The following PCOLCE2 variants were observed in gnomAD, a reference collection of about 807,000 sequenced individuals.
PCOLCE2 encodes the protein procollagen C-endopeptidase enhancer 2, also known as procollagen C-proteinase enhancer 2.
In PCOLCE2, 42 loss-of-function variants were observed where a neutral mutation model predicts 47.0. That is an observed-to-expected ratio of 0.89 (90% CI 0.70 to 1.16). PCOLCE2 has a LOEUF of 1.16. PCOLCE2 is among the 50% of genes most tolerant of loss of function. The probability of loss-of-function intolerance (pLI) is 0.00; values close to 1 mark genes in which losing one functional copy is unlikely to be tolerated. For missense variants in PCOLCE2, 500 were observed against 526.1 expected (o/e 0.95, Z 0.49); for synonymous variants, 169 against 191.7 (o/e 0.88, Z 0.98).
chr3:142,848,549 G>A (rs186046028), intron 2 of PCOLCE2, 77 bp from the exon 3 acceptor site: 1 of 1,245,664 alleles, frequency 8.0e-7, no homozygotes, highest in East Asian at 2.3e-5. Context: ...ACTTACTTAA[G>A]TGTGTAAAGT....
intron 4 of PCOLCE2, among the ~76,000 whole-genome samples, chr3:142,841,888 T>C (rs995894164): frequency 2.0e-5 from 3 of 152,202 alleles, no homozygotes; most frequent in Non-Finnish European, 4.4e-5. Context: ...TATAAAGTTA[T>C]CTTTAAAGGT....
chr3:142,846,300 C>T (rs995466327), intron 3 of PCOLCE2, among the ~76,000 whole-genome samples: 5 of 152,154 alleles, frequency 3.3e-5, no homozygotes, highest in Admixed American at 1.3e-4. Context: ...CAGGTTCAAG[C>T]GATTCTCCTG....
rs200880082 is a variant in PCOLCE2 at position 142,818,438 on chromosome 3, A to G, written c.1145T>C (p.Val382Ala). Residue 382 changes from valine (V) to alanine (A), a missense_variant, in exon 9 of 9, where the codon GTA (valine) becomes GCA (alanine). Coordinates refer to ENST00000295992, the MANE Select transcript of PCOLCE2 (RefSeq NM_013363.4). The part of the protein sequence containing the change: ...RGLNYIIMGQ[V>A]GEDGRGKIMP... Reference sequence around the variant, plus strand: ...GATTTTGCCTCGCCCATCTTCACCTACTTGGCCCATAATAATGTAATTTAG... The same window carrying G: ...GATTTTGCCTCGCCCATCTTCACCTGCTTGGCCCATAATAATGTAATTTAG... The G allele has an allele frequency of 5.6e-6, 9 of 1,612,222 alleles. No individual in the cohort carries two copies. In the Admixed American group the frequency reaches 1.0e-4, roughly 18 times the overall value.
chr3:142,866,205 C>T (rs546826226), intron 2 of PCOLCE2, among the ~76,000 whole-genome samples: 3 of 152,270 alleles, frequency 2.0e-5, no homozygotes, highest in East Asian at 3.9e-4. Context: ...TGTGGGTGCA[C>T]GTCCTCCAAT....
At chr3:142,879,305 T>C (rs1422415358) in intron 2 of PCOLCE2, among the ~76,000 whole-genome samples, 1 of 152,190 alleles carries the variant, frequency 6.6e-6, no homozygotes, top group Non-Finnish European at 1.5e-5. Flanking sequence ...TTTTCTTTTC[T>C]ACTCATTAAA....
At chr3:142,864,705 C>T (rs1192427750) in intron 2 of PCOLCE2, among the ~76,000 whole-genome samples, 1 of 152,216 alleles carries the variant, frequency 6.6e-6, no homozygotes, top group Non-Finnish European at 1.5e-5. Context: ...CACTGATCTA[C>T]TTCCTGTCTC....
intron 2 of PCOLCE2, among the ~76,000 whole-genome samples, chr3:142,857,858 T>C (rs887189402): frequency 6.6e-6 from 1 of 152,174 alleles, no homozygotes; most frequent in Non-Finnish European, 1.5e-5. Flanking sequence ...CTCAGAATCA[T>C]AGGGTACTGG....
Position 142,821,024 on chromosome 3 carries a change from G to C in PCOLCE2, c.971C>G (p.Thr324Arg). The C allele has an allele frequency of 6.2e-7, 1 of 1,611,246 alleles. No homozygotes were observed. Among genetic ancestry groups the C allele is most frequent in the Non-Finnish European group, 8.5e-7 (1 of 1,177,580 alleles). ...SDFVLAGTVI[T>R]TITRDGSLHA... ...CAAACTCCCATCGCGAGTGATGGTT[G>C]TGATAACAGTGCCGGCTAATACTGC... is the stretch of plus-strand genomic sequence containing the variant. Residue 324 changes from threonine to arginine, a missense_variant, in exon 8 of 9, where the codon ACA becomes AGA. Coordinates refer to ENST00000295992, the MANE Select transcript of PCOLCE2 (RefSeq NM_013363.4).
intron 8 of PCOLCE2, among the ~76,000 whole-genome samples, chr3:142,819,446 C>T (rs1471638295): frequency 6.6e-6 from 1 of 152,130 alleles, no homozygotes; most frequent in African/African-American, 2.4e-5. Flanking sequence ...GCAGGTAATG[C>T]TGCCTCAAGG....
rs371904093 is a variant in PCOLCE2, at chr3:142,867,499, C to T, written c.193-19027G>A. Among the ~76,000 whole-genome samples, 15 of 152,258 alleles carry T rather than the reference C, an allele frequency of 9.9e-5. No individual in the cohort carries two copies. The South Asian group carries it at 1.9e-3, about 19-fold the overall frequency. Reference sequence around the variant, plus strand: ...AATTTGCAATACATGTACCTGACAACCTTGTATTCGGAATAAAGAATTACA... The same window carrying T: ...AATTTGCAATACATGTACCTGACAATCTTGTATTCGGAATAAAGAATTACA... On this transcript the variant is annotated intron_variant, in intron 2 of 8. Transcript: ENST00000295992.
intron 2 of PCOLCE2, among the ~76,000 whole-genome samples, chr3:142,876,071 T>G (rs1244800132): frequency 5.9e-5 from 9 of 152,212 alleles, no homozygotes; most frequent in African/African-American, 2.2e-4. Context: ...CATCAGTGGG[T>G]AGACTCTTTG....
chr3:142,863,955 G>A (rs1239722584), intron 2 of PCOLCE2: 1 of 152,108 alleles, frequency 6.6e-6, no homozygotes, highest in East Asian at 1.9e-4. Context: ...TGCTCAGATG[G>A]TGTGGCATTT....
At chr3:142,849,045 C>T (rs1017149354) in intron 2 of PCOLCE2, among the ~76,000 whole-genome samples, 3 of 151,578 alleles carry the variant, frequency 2.0e-5, no homozygotes, top group South Asian at 2.1e-4. Context: ...CCCAGCTACT[C>T]GGGAGGCTGA....
intron 2 of PCOLCE2, among the ~76,000 whole-genome samples, chr3:142,882,323 G>C (rs952066201): frequency 1.3e-5 from 2 of 152,054 alleles, no homozygotes; most frequent in Non-Finnish European, 2.9e-5. Flanking sequence ...TGGGATTACA[G>C]GTGTGAGCCA....
At chr3:142,851,265 T>C (rs1392571914) in intron 2 of PCOLCE2, among the ~76,000 whole-genome samples, 2 of 152,128 alleles carry the variant, frequency 1.3e-5, no homozygotes, top group Non-Finnish European at 2.9e-5. Context: ...TTGAAGTAAA[T>C]GAATTAAAAT....
intron 2 of PCOLCE2, among the ~76,000 whole-genome samples, chr3:142,862,893 C>T (rs768982370): frequency 5.3e-5 from 8 of 151,758 alleles, no homozygotes; most frequent in Non-Finnish European, 1.2e-4. Context: ...ATAAATAATG[C>T]TATTATAAAC....
intron 2 of PCOLCE2, among the ~76,000 whole-genome samples, chr3:142,885,463 G>A (rs1295238344): frequency 2.0e-5 from 3 of 152,236 alleles, no homozygotes; most frequent in South Asian, 2.1e-4. Flanking sequence ...ACCAACCAGC[G>A]TGGGAAAAAC....
At chr3:142,888,550 G>T in intron 1 of PCOLCE2, 1 of 385,520 alleles carries the variant, frequency 2.6e-6, no homozygotes, top group Non-Finnish European at 4.6e-6. Context: ...ATTAAGCCCC[G>T]CCACGTGGTG....
intron 2 of PCOLCE2, among the ~76,000 whole-genome samples, chr3:142,878,585 G>A (rs1933545832): frequency 6.6e-6 from 1 of 152,198 alleles, no homozygotes; most frequent in African/African-American, 2.4e-5. Flanking sequence ...CTGACTCTAA[G>A]CAGAGCAATG....
Sources: gnomAD v4.1 joint callset for allele counts (sites outside exome capture counted in the v4.1 genomes callset) on GRCh38, gnomAD v4.1.1 for gene constraint, MANE v1.5 for transcripts, NCBI Gene and HGNC (gene_info 2026-07-23, HGNC 2026-07-21) for gene names.